Variants in SHANK2 observed in about 807,000 individuals in gnomAD.
SHANK2 encodes the protein SH3 and multiple ankyrin repeat domains protein 2.
SHANK2 carries 43 observed loss-of-function variants against 133.7 expected under a neutral mutation model. The ratio of observed to expected loss-of-function variants is 0.32; its 90% CI spans 0.25 to 0.41. The LOEUF (loss-of-function observed/expected upper bound fraction) is 0.41, where lower values mean the gene tolerates loss of function less well. Ranked by LOEUF, SHANK2 falls within the 10% of genes least tolerant of loss-of-function variation. SHANK2 has a pLI of 1.00. For missense variants in SHANK2, 1,994 were observed against 2,235.8 expected (o/e 0.89, Z 2.18); for synonymous variants, 1,017 against 952.8 (o/e 1.07, Z -1.24).
chr11:70,754,154 C>T (rs1175563550), intron 14 of SHANK2, among the ~76,000 whole-genome samples: 1 of 152,234 alleles, frequency 6.6e-6, no homozygotes, highest in African/African-American at 2.4e-5. Context: ...TTCTTGACTC[C>T]AGTGATTTCG....
At chr11:70,869,285 A>C (rs1738361255) in intron 11 of SHANK2, among the ~76,000 whole-genome samples, 1 of 151,994 alleles carries the variant, frequency 6.6e-6, no homozygotes, top group Non-Finnish European at 1.5e-5. Context: ...GCTGGAGCAA[A>C]CTCATACACC....
intron 11 of SHANK2, among the ~76,000 whole-genome samples, chr11:70,867,131 A>G (rs964307338): frequency 5.8e-4 from 88 of 151,758 alleles, no homozygotes; most frequent in African/African-American, 2.1e-3. Context: ...AAAAAAAAAA[A>G]AAAGAGAGAG....
At chr11:71,135,094 T>C (rs781913942) in intron 3 of SHANK2, among the ~76,000 whole-genome samples, 5 of 152,068 alleles carry the variant, frequency 3.3e-5, no homozygotes, top group Non-Finnish European at 5.9e-5. Flanking sequence ...ACACCAAGTT[T>C]GTGCATACCT....
chr11:70,928,751 T>C (rs1307960219), intron 10 of SHANK2, among the ~76,000 whole-genome samples: 1 of 151,996 alleles, frequency 6.6e-6, no homozygotes, highest in Non-Finnish European at 1.5e-5. Context: ...CTGATAAAGG[T>C]GCCTAGGGCT....
chr11:71,218,627 C>A (rs1555120540), intron 2 of SHANK2, among the ~76,000 whole-genome samples: 1 of 152,144 alleles, frequency 6.6e-6, no homozygotes, highest in Admixed American at 6.5e-5. Flanking sequence ...GGGTATGGAA[C>A]CTTCATCGCT....
chr11:70,482,413 T>G lies in SHANK2; in HGVS notation c.4979+2901A>C, dbSNP rs148271835. Among the ~76,000 whole-genome samples the G allele has an allele frequency of 3.2e-3, 483 of 152,342 alleles. 3 individuals carry two copies. Among genetic ancestry groups the G allele is most frequent in the South Asian group, 0.013 (62 of 4,826 alleles). On this transcript the variant is annotated intron_variant, in intron 25 of 25. Transcript: ENST00000601538. ...GCCCCGCCCGCGGCAGTCTCAGCCT[T>G]GCAGGTGTTCGGTTTGCCAGTTGGT...
intron 14 of SHANK2, among the ~76,000 whole-genome samples, chr11:70,795,439 T>A (rs1947890469): frequency 1.4e-5 from 2 of 142,384 alleles, no homozygotes; most frequent in African/African-American, 5.2e-5. Context: ...GGAGTCTTGC[T>A]ATGTTGCCCA....
intron 21 of SHANK2, among the ~76,000 whole-genome samples, chr11:70,495,532 G>C (rs1284940471): frequency 6.6e-6 from 1 of 152,230 alleles, no homozygotes; most frequent in Non-Finnish European, 1.5e-5. Flanking sequence ...GTGGCCCCCA[G>C]AGTATTTTTC....
chr11:70,497,224 G>A (rs897423968), intron 21 of SHANK2, among the ~76,000 whole-genome samples: 1 of 152,192 alleles, frequency 6.6e-6, no homozygotes, highest in African/African-American at 2.4e-5. Context: ...GACTTGCTCA[G>A]TCCTTATCTT....
chr11:70,470,011 C>A lies in SHANK2; in HGVS notation c.*2858G>T, dbSNP rs2058578760. ...ATGTAACAAAAGTTGATCTTAAAAC[C>A]TGGAATAATATCAACATGATCTTTA... On this transcript the variant is annotated 3_prime_UTR_variant, in exon 26 of 26. Transcript: ENST00000601538. The A allele has an allele frequency of 6.6e-6, 1 of 152,516 alleles. No individual in the cohort carries two copies. Among genetic ancestry groups the A allele is most frequent in the African/African-American group, 2.4e-5 (1 of 41,442 alleles). 9.4% of individuals were successfully genotyped at this position (152,516 alleles called of 1,614,324 possible).
At chr11:71,119,303 C>T (rs1240445156) in intron 3 of SHANK2, among the ~76,000 whole-genome samples, 9 of 152,154 alleles carry the variant, frequency 5.9e-5, no homozygotes, top group Admixed American at 2.6e-4. Context: ...CAGCACTGGC[C>T]GGGTGCGGTG....
chr11:71,233,342 G>A (rs182404909), intron 1 of SHANK2, among the ~76,000 whole-genome samples: 5 of 152,248 alleles, frequency 3.3e-5, no homozygotes, highest in Admixed American at 6.5e-5. Context: ...TCGGTAACAC[G>A]ATGCTAAGTG....
intron 11 of SHANK2, among the ~76,000 whole-genome samples, chr11:70,824,520 C>T (rs868964718): frequency 2.4e-4 from 37 of 152,244 alleles, no homozygotes; most frequent in Admixed American, 1.6e-3. Flanking sequence ...AGACAAGGAA[C>T]GGAAAAAGCT....
intron 6 of SHANK2, among the ~76,000 whole-genome samples, chr11:71,104,013 C>T (rs1400376644): frequency 2.0e-5 from 3 of 151,996 alleles, no homozygotes; most frequent in Non-Finnish European, 4.4e-5. Context: ...CCTGAGGCCT[C>T]CCCAGAAGCA....
At chr11:70,954,405 T>C (rs552007967) in intron 10 of SHANK2, among the ~76,000 whole-genome samples, 7 of 152,356 alleles carry the variant, frequency 4.6e-5, no homozygotes, top group African/African-American at 1.7e-4. Flanking sequence ...GCACAGCCAC[T>C]GGCAGAGTGC....
At chr11:70,889,651 G>A (rs1291695273) in intron 11 of SHANK2, among the ~76,000 whole-genome samples, 1 of 152,150 alleles carries the variant, frequency 6.6e-6, no homozygotes, top group African/African-American at 2.4e-5. Flanking sequence ...GGTGGCGCTG[G>A]GCATCTGCAT....
In SHANK2 at chr11:70,612,019, G is replaced by A. The variant is rs561491926; in HGVS notation, c.2061+47809C>T. On this transcript the variant is annotated intron_variant, in intron 17 of 25. Coordinates refer to ENST00000601538, the MANE Select transcript of SHANK2 (RefSeq NM_012309.5). ...TGGGAAGGCATCACAGAAGGGGAGC[G>A]TCTTGAGCGTTCTGCCCAAGATCCA... Among the ~76,000 whole-genome samples, 6 of 152,152 alleles carry A rather than the reference G, an allele frequency of 3.9e-5. No homozygotes were observed. The South Asian group carries it at 8.3e-4, about 21-fold the overall frequency.
At chr11:70,928,607 G>T (rs1950460862) in intron 10 of SHANK2, among the ~76,000 whole-genome samples, 1 of 152,132 alleles carries the variant, frequency 6.6e-6, no homozygotes, top group South Asian at 2.1e-4. Flanking sequence ...GCAGATCCCT[G>T]GGGGGGAAGA....
chr11:70,500,846 CTT>C lies in SHANK2; in HGVS notation c.2288-258_2288-257del. ...CCTACTGCCTGGCAGTGGAAAGGGG[CTT>C]TCCTTCTTCCTCAGCACCCCTTGTC... On this transcript the variant is annotated intron_variant, in intron 20 of 25. Transcript: ENST00000601538. This position sits in a 1 kb window ranked among gnomAD's most constrained non-coding sequence, Gnocchi z 4.5. The C allele has an allele frequency of 2.8e-6, 2 of 704,532 alleles. No homozygotes were observed. Among genetic ancestry groups the C allele is most frequent in the Non-Finnish European group, 5.3e-6 (2 of 380,368 alleles). 43.6% of individuals were successfully genotyped at this position (704,532 alleles called of 1,614,324 possible). A position where few individuals can be genotyped will look rare whatever the true frequency, so the allele number is the denominator to read the frequency against.
Sources: gnomAD v4.1 joint callset for allele counts (sites outside exome capture counted in the v4.1 genomes callset) on GRCh38, gnomAD v4.1.1 for gene constraint, Gnocchi (gnomAD v3.1) non-coding constraint, MANE v1.5 for transcripts, NCBI Gene and HGNC (gene_info 2026-07-23, HGNC 2026-07-21) for gene names.